Variants in SORCS3 observed in about 807,000 individuals in gnomAD.
SORCS3 encodes the protein VPS10 domain-containing receptor SorCS3.
A neutral mutation model predicts 146.3 loss-of-function variants in SORCS3; 57 were observed. That is an observed-to-expected ratio of 0.39 (90% confidence interval 0.31 to 0.49). SORCS3 has a LOEUF of 0.49. Among genes scored for constraint, SORCS3 ranks in the 20% least tolerant of loss-of-function variants. The pLI is 0.92. For missense variants in SORCS3, 1,341 were observed against 1,575.5 expected (o/e 0.85, Z 2.52); for synonymous variants, 653 against 618.5 (o/e 1.06, Z -0.83).
chr10:104,806,242 C>T (rs1378774014), intron 1 of SORCS3, among the ~76,000 whole-genome samples: 1 of 152,182 alleles, frequency 6.6e-6, no homozygotes, highest in African/African-American at 2.4e-5. Flanking sequence ...TAGCTGTCTC[C>T]TCTGAGTGTC....
chr10:105,037,322 G>A (rs762055918), intron 4 of SORCS3, among the ~76,000 whole-genome samples: 29 of 152,298 alleles, frequency 1.9e-4, no homozygotes, highest in Middle Eastern at 3.4e-3. Flanking sequence ...CAGGGGGTGT[G>A]AGATGCCCAT....
At chr10:104,908,417 G>A (rs1214944375) in intron 2 of SORCS3, among the ~76,000 whole-genome samples, 4 of 152,194 alleles carry the variant, frequency 2.6e-5, no homozygotes, top group Non-Finnish European at 4.4e-5. Flanking sequence ...TCATAAAAAT[G>A]ACAGCCATAA....
At chr10:105,248,404 G>A (rs2056879729) in intron 22 of SORCS3, among the ~76,000 whole-genome samples, 1 of 152,202 alleles carries the variant, frequency 6.6e-6, no homozygotes, top group Non-Finnish European at 1.5e-5. Context: ...TCAGTTAACA[G>A]GGGCAGGATG....
At chr10:105,062,042 G>A (rs528967376) in intron 5 of SORCS3, among the ~76,000 whole-genome samples, 1 of 152,296 alleles carries the variant, frequency 6.6e-6, no homozygotes, top group South Asian at 2.1e-4. Flanking sequence ...TCCACCTTTG[G>A]AGAGAGTTAT....
intron 14 of SORCS3, among the ~76,000 whole-genome samples, chr10:105,197,527 GA>G (rs2056550536): frequency 6.6e-6 from 1 of 152,010 alleles, no homozygotes; most frequent in Non-Finnish European, 1.5e-5. Flanking sequence ...GGTTAATGTA[GA>G]AAAAAACAGG....
chr10:104,973,299 A>C (rs1033753961), intron 3 of SORCS3, among the ~76,000 whole-genome samples: 1 of 151,188 alleles, frequency 6.6e-6, no homozygotes, highest in Non-Finnish European at 1.5e-5. Context: ...CCTCTGGTAG[A>C]ATTCGGCTGT....
intron 4 of SORCS3, among the ~76,000 whole-genome samples, chr10:105,033,209 T>A (rs1317129415): frequency 6.6e-6 from 1 of 152,230 alleles, no homozygotes; most frequent in East Asian, 1.9e-4. Flanking sequence ...ACACTGCCAT[T>A]CATGCACAGC....
At chr10:105,214,660 A>T (rs1421456946) in intron 18 of SORCS3, 47 bp downstream of exon 18, 1 of 1,487,778 alleles carries the variant, frequency 6.7e-7, no homozygotes, top group Non-Finnish European at 9.0e-7. Flanking sequence ...CAACCAGACC[A>T]TTCCCAGAAG....
intron 3 of SORCS3, among the ~76,000 whole-genome samples, chr10:104,926,763 A>G (rs1317295410): frequency 1.3e-5 from 2 of 152,264 alleles, no homozygotes; most frequent in East Asian, 3.8e-4. Flanking sequence ...TCTCTTTCTC[A>G]GCAAATATAG....
rs56241778 is a variant in SORCS3, at chr10:105,228,998, C to G, written c.2868+5749C>G. Among the ~76,000 whole-genome samples the G allele has an allele frequency of 3.8e-3, 580 of 152,204 alleles. 3 individuals are homozygous for G. The highest frequency in any genetic ancestry group is 0.013 in the African/African-American group (558 of 41,524). Reference sequence around the variant, plus strand: ...CATACCGGCAATTTGAATATTTGCTCATTTTATCATGTTCCATATAGCACA... The same window carrying G: ...CATACCGGCAATTTGAATATTTGCTGATTTTATCATGTTCCATATAGCACA... On this transcript the variant is annotated intron_variant, in intron 20 of 26. Coordinates refer to ENST00000369701, the MANE Select transcript of SORCS3 (RefSeq NM_014978.3).
At chr10:104,905,862 G>A (rs960186522) in intron 2 of SORCS3, among the ~76,000 whole-genome samples, 1 of 152,156 alleles carries the variant, frequency 6.6e-6, no homozygotes, top group Admixed American at 6.5e-5. Flanking sequence ...TGGGAGGGGA[G>A]GTATTTGCAT....
chr10:104,826,163 C>T (rs1564692308), intron 1 of SORCS3, among the ~76,000 whole-genome samples: 1 of 152,104 alleles, frequency 6.6e-6, no homozygotes, highest in African/African-American at 2.4e-5. Context: ...TGCTATCTCC[C>T]TTTTGTCATA....
chr10:104,678,233 G>T (rs1331777063), intron 1 of SORCS3, among the ~76,000 whole-genome samples: 1 of 146,412 alleles, frequency 6.8e-6, no homozygotes, highest in Non-Finnish European at 1.5e-5. Context: ...GATCAAGGAG[G>T]TTCTCGTTAT....
chr10:104,798,899 A>C (rs865854956), intron 1 of SORCS3, among the ~76,000 whole-genome samples: 1 of 152,368 alleles, frequency 6.6e-6, no homozygotes, highest in Non-Finnish European at 1.5e-5. Context: ...ATGAATAGAC[A>C]CTTCTCAAAA....
intron 5 of SORCS3, among the ~76,000 whole-genome samples, chr10:105,065,961 G>C (rs1348888220): frequency 6.6e-6 from 1 of 152,116 alleles, no homozygotes; most frequent in Non-Finnish European, 1.5e-5. Context: ...ACTTTGAAAA[G>C]TAGCTCCCAT....
chr10:105,151,991 C>T (rs934945601), intron 9 of SORCS3, among the ~76,000 whole-genome samples: 5 of 152,162 alleles, frequency 3.3e-5, no homozygotes, highest in Admixed American at 6.5e-5. Context: ...CCATTATTCT[C>T]GTAACACTCT....
chr10:104,690,453 G>A (rs569302043), intron 1 of SORCS3, among the ~76,000 whole-genome samples: 4 of 152,298 alleles, frequency 2.6e-5, no homozygotes, highest in East Asian at 1.9e-4. Context: ...AGGAGACCAA[G>A]GCTCATGGAG....
rs917871233 is a variant in SORCS3 at position 104,755,491 on chromosome 10, A to C, written c.628-87301A>C. ...ATAAGGACATAAGAATTGAACAGGAAATATCATAAGAGACAAACTAAGTGT... is the reference window on the plus strand; with the variant it reads ...ATAAGGACATAAGAATTGAACAGGACATATCATAAGAGACAAACTAAGTGT... On this transcript the variant is annotated intron_variant, in intron 1 of 26. Transcript: ENST00000369701. 2.0e-5 allele frequency among the ~76,000 whole-genome samples: 3 copies of C among 152,346 alleles called. No homozygotes were observed. In the South Asian group the frequency reaches 6.2e-4, roughly 32 times the overall value.
chr10:105,118,421 G>A (rs538259451), intron 7 of SORCS3, among the ~76,000 whole-genome samples: 1 of 152,200 alleles, frequency 6.6e-6, no homozygotes, highest in East Asian at 1.9e-4. Flanking sequence ...ATCCAGTCAT[G>A]GGCAGTTCTT....
Sources: allele counts gnomAD v4.1 joint callset (sites outside exome capture counted in the v4.1 genomes callset), GRCh38; gene constraint gnomAD v4.1.1; transcripts MANE v1.5; gene names NCBI Gene and HGNC (gene_info 2026-07-23, HGNC 2026-07-21).